Variants in ROS1 observed in about 807,000 individuals in gnomAD.
ROS1 encodes the protein ROS proto-oncogene 1, receptor tyrosine kinase, also known as proto-oncogene tyrosine-protein kinase ROS.
ROS1 carries 263 observed loss-of-function variants against 273.5 expected under a neutral mutation model. The observed-to-expected ratio is 0.96, with a 90% CI of 0.87 to 1.06. The LOEUF is 1.06. Ranked by LOEUF, ROS1 falls within the 50% of genes least tolerant of loss-of-function variation. The probability of loss-of-function intolerance (pLI) is 0.00; values close to 1 mark genes in which losing one functional copy is unlikely to be tolerated. For synonymous variants in ROS1, 1,008 were observed against 954.1 expected, an observed-to-expected ratio of 1.06 and a Z score of -1.04; for missense variants, 2,833 against 2,751.1, an observed-to-expected ratio of 1.03 and a Z score of -0.67.
At chr6:117,292,388 C>G (rs1773902529) in intron 43 of ROS1, among the ~76,000 whole-genome samples, 3 of 152,132 alleles carry the variant, frequency 2.0e-5, no homozygotes, top group Admixed American at 2.0e-4. Flanking sequence ...GATTGCTTTA[C>G]CTCTCTGCAG....
At chr6:117,328,484 C>G (rs1249542227) in intron 33 of ROS1, 4 of 333,128 alleles carry the variant, frequency 1.2e-5, no homozygotes, top group Non-Finnish European at 2.3e-5. Flanking sequence ...AAGGAGGTTT[C>G]AATTAGAAAT....
chr6:117,422,381 A>T (rs980761496), intron 1 of ROS1, among the ~76,000 whole-genome samples: 12 of 152,210 alleles, frequency 7.9e-5, no homozygotes, highest in African/African-American at 2.9e-4. Flanking sequence ...GGAATTTTTT[A>T]TGCTACATGG....
intron 35 of ROS1, among the ~76,000 whole-genome samples, chr6:117,323,485 T>G (rs1406350701): frequency 6.6e-6 from 1 of 152,146 alleles, no homozygotes; most frequent in Non-Finnish European, 1.5e-5. Context: ...AATCATGCCC[T>G]TCTTTTAATG....
chr6:117,343,779 G>A (rs949385556), intron 28 of ROS1, among the ~76,000 whole-genome samples: 1 of 152,154 alleles, frequency 6.6e-6, no homozygotes, highest in African/African-American at 2.4e-5. Context: ...AGGATAATTA[G>A]ATAATCAGGG....
chr6:117,416,386 T>G, intron 2 of ROS1, 69 bp from the exon 3 acceptor site: 2 of 989,508 alleles, frequency 2.0e-6, no homozygotes, highest in Non-Finnish European at 1.6e-6. Flanking sequence ...CACCTGAAAG[T>G]ACAATGTAGT....
intron 22 of ROS1, among the ~76,000 whole-genome samples, chr6:117,361,898 T>C (rs2128653297): frequency 6.6e-6 from 1 of 152,108 alleles, no homozygotes; most frequent in African/African-American, 2.4e-5. Context: ...CGACTTAACT[T>C]TTTCTTTATA....
chr6:117,338,292 T>G (rs1777624841), intron 31 of ROS1, among the ~76,000 whole-genome samples: 1 of 152,038 alleles, frequency 6.6e-6, no homozygotes, highest in African/African-American at 2.4e-5. Context: ...TTCTATTCAG[T>G]AAGGAATGAT....
At chr6:117,365,954 G>A (rs1780185025) in intron 19 of ROS1, 122 bp downstream of exon 19, 8 of 909,348 alleles carry the variant, frequency 8.8e-6, no homozygotes, top group Non-Finnish European at 1.3e-5. Flanking sequence ...CAAACCAATT[G>A]AAATTACTGA....
chr6:117,324,769 A>C (rs984119116), intron 34 of ROS1, among the ~76,000 whole-genome samples: 2 of 152,132 alleles, frequency 1.3e-5, no homozygotes, highest in African/African-American at 4.8e-5. Flanking sequence ...ATTTTGTATA[A>C]TATCTTCATA....
chr6:117,408,143 A>T, intron 5 of ROS1, among the ~76,000 whole-genome samples: 1 of 151,964 alleles, frequency 6.6e-6, no homozygotes, highest in Non-Finnish European at 1.5e-5. Flanking sequence ...CATTCAGGAC[A>T]TAGGCATGGG....
intron 5 of ROS1, among the ~76,000 whole-genome samples, chr6:117,405,777 T>A (rs1055603641): frequency 5.9e-5 from 9 of 152,132 alleles, no homozygotes; most frequent in African/African-American, 1.7e-4. Context: ...CATGGCACAG[T>A]GGGTAAGAAA....
At chr6:117,296,336 G>T (rs1183892399) in intron 43 of ROS1, among the ~76,000 whole-genome samples, 1 of 152,022 alleles carries the variant, frequency 6.6e-6, no homozygotes, top group African/African-American at 2.4e-5. Flanking sequence ...GAAAGGGGGA[G>T]GTTGCAGTGA....
At chr6:117,341,730 G>A (rs958218292) in intron 29 of ROS1, 98 bp from the exon 30 acceptor site, 35 of 826,456 alleles carry the variant, frequency 4.2e-5, no homozygotes, top group African/African-American at 3.9e-4. Context: ...CATGTGGTAT[G>A]AGCAGAATAA....
At chr6:117,311,250 GTTATGA>G in intron 39 of ROS1, 133 bp from the exon 40 acceptor site, 1 of 467,380 alleles carries the variant, frequency 2.1e-6, no homozygotes, top group Non-Finnish European at 3.7e-6. Context: ...GGGATTTTTA[GTTATGA>G]TTATAAGAAT....
At chr6:117,319,810 G>C (rs1776160778) in intron 37 of ROS1, 58 bp downstream of exon 37, 2 of 1,461,412 alleles carry the variant, frequency 1.4e-6, no homozygotes, top group East Asian at 4.6e-5. Context: ...TTATATCCAG[G>C]TCAATCTTTG....
chr6:117,323,261 G>T (rs1327513661), intron 35 of ROS1, among the ~76,000 whole-genome samples: 3 of 152,108 alleles, frequency 2.0e-5, no homozygotes, highest in Non-Finnish European at 4.4e-5. Flanking sequence ...CTCAAATCGA[G>T]CTTCAAAGTG....
chr6:117,328,274 G>A (rs117210895), intron 33 of ROS1: 2,924 of 239,530 alleles, frequency 0.012, 30 homozygotes, highest in Middle Eastern at 0.025. Context: ...GAGACCTGGA[G>A]CAAGGAGTAT....
chr6:117,413,036 A>C (rs910102861), intron 4 of ROS1, among the ~76,000 whole-genome samples: 3 of 152,002 alleles, frequency 2.0e-5, no homozygotes, highest in Admixed American at 6.6e-5. Context: ...CTCTCTTCTT[A>C]GCCAACCCTC....
chr6:117,370,970 G>A (rs1208650823), intron 18 of ROS1, among the ~76,000 whole-genome samples: 1 of 152,164 alleles, frequency 6.6e-6, no homozygotes, highest in Non-Finnish European at 1.5e-5. Flanking sequence ...TAATTAAAAT[G>A]CAGAAGTTGT....
Sources: allele counts gnomAD v4.1 joint callset (sites outside exome capture counted in the v4.1 genomes callset), GRCh38; gene constraint gnomAD v4.1.1; transcripts MANE v1.5; gene names NCBI Gene and HGNC (gene_info 2026-07-23, HGNC 2026-07-21).